NAALADL2: variants seen among roughly 807,000 people sequenced by gnomAD.
NAALADL2 encodes the protein inactive N-acetylated-alpha-linked acidic dipeptidase-like protein 2.
Under a neutral mutation model 87.2 loss-of-function variants are expected in NAALADL2, and 76 were observed. That is an observed-to-expected ratio of 0.87 (90% confidence interval 0.72 to 1.05). NAALADL2 has a LOEUF of 1.05. NAALADL2 is among the 50% of genes least tolerant of loss of function. NAALADL2 has a pLI of 0.00. For synonymous variants in NAALADL2, 354 were observed against 331.0 expected (o/e 1.07, Z -0.75); for missense variants, 1,089 against 945.8 (o/e 1.15, Z -1.99).
chr3:174,665,412 C>T (rs1385815216), intron 2 of NAALADL2, among the ~76,000 whole-genome samples: 1 of 152,064 alleles, frequency 6.6e-6, no homozygotes, highest in Non-Finnish European at 1.5e-5. Context: ...GCAACCTCAG[C>T]TCTAATGTTA....
chr3:175,446,876 A>G (rs1275233617), intron 5 of NAALADL2, among the ~76,000 whole-genome samples: 4 of 152,068 alleles, frequency 2.6e-5, no homozygotes, highest in Non-Finnish European at 5.9e-5. Context: ...ACACTTACAT[A>G]TCTGCTTTCC....
At chr3:175,493,883 T>C (rs1582121431) in intron 9 of NAALADL2, among the ~76,000 whole-genome samples, 1 of 152,292 alleles carries the variant, frequency 6.6e-6, no homozygotes, top group African/African-American at 2.4e-5. Flanking sequence ...GGAGTCTTCT[T>C]ATTTCCCTAG....
intron 5 of NAALADL2, among the ~76,000 whole-genome samples, chr3:175,341,980 A>G (rs1762609290): frequency 6.6e-6 from 1 of 152,126 alleles, no homozygotes; most frequent in Non-Finnish European, 1.5e-5. Flanking sequence ...CCAATTAAGC[A>G]TAGATGTATG....
intron 9 of NAALADL2, among the ~76,000 whole-genome samples, chr3:175,499,260 C>T (rs556489553): frequency 1.6e-4 from 24 of 152,082 alleles, no homozygotes; most frequent in Admixed American, 1.0e-3. Context: ...TACCGTTTTT[C>T]GAATGATTAA....
chr3:174,601,062 G>T (rs1718406341), intron 2 of NAALADL2, among the ~76,000 whole-genome samples: 1 of 152,094 alleles, frequency 6.6e-6, no homozygotes, highest in African/African-American at 2.4e-5. Flanking sequence ...TATTCTTTGT[G>T]TTTCAAACAA....
chr3:174,473,016 G>A (rs1717002007), intron 1 of NAALADL2, among the ~76,000 whole-genome samples: 1 of 152,148 alleles, frequency 6.6e-6, no homozygotes, highest in South Asian at 2.1e-4. Context: ...ATTTGTTGAT[G>A]TGGTATAGTA....
chr3:175,345,482 T>G (rs1763059001), intron 5 of NAALADL2, among the ~76,000 whole-genome samples: 1 of 152,126 alleles, frequency 6.6e-6, no homozygotes, highest in Non-Finnish European at 1.5e-5. Flanking sequence ...TCTTAGAGAA[T>G]GAGCGTGTGA....
At chr3:175,386,271 T>C (rs1229332438) in intron 5 of NAALADL2, among the ~76,000 whole-genome samples, 3 of 151,898 alleles carry the variant, frequency 2.0e-5, no homozygotes, top group African/African-American at 7.3e-5. Context: ...TGTCCTCCTC[T>C]GAGATTTATT....
Position 174,604,916 on chromosome 3 carries a change from G to A in NAALADL2, c.-115+54279G>A, listed in dbSNP as rs143868172. Among the ~76,000 whole-genome samples, 343 of 151,704 alleles carry A rather than the reference G, an allele frequency of 2.3e-3. 1 individual carries two copies. The highest frequency in any genetic ancestry group is 7.9e-3 in the African/African-American group (325 of 41,350). ...CCCTAGTAGCTGGGATTACAGGCACGCACCACCACCCCGGCTGATTTTGAT... is the reference window on the plus strand; with the variant it reads ...CCCTAGTAGCTGGGATTACAGGCACACACCACCACCCCGGCTGATTTTGAT... On this transcript the variant is annotated intron_variant, in intron 2 of 3. Coordinates refer to the NAALADL2 transcript ENST00000434257.
intron 2 of NAALADL2, among the ~76,000 whole-genome samples, chr3:175,133,170 C>G (rs541839008): frequency 5.4e-5 from 8 of 147,028 alleles, no homozygotes; most frequent in East Asian, 2.0e-4. Context: ...GGATGGCCGC[C>G]GGGAAGAGGC....
intron 2 of NAALADL2, among the ~76,000 whole-genome samples, chr3:174,565,509 C>G (rs1015911287): frequency 4.6e-5 from 7 of 152,036 alleles, no homozygotes; most frequent in Non-Finnish European, 5.9e-5. Flanking sequence ...AATAGCTCAT[C>G]TATCTTTATT....
intron 3 of NAALADL2, among the ~76,000 whole-genome samples, chr3:174,770,192 TCTGA>T (rs1188207867): frequency 1.3e-5 from 2 of 152,196 alleles, no homozygotes; most frequent in African/African-American, 2.4e-5. Context: ...TCAGAAATAT[TCTGA>T]CTGTGAGTTA....
chr3:174,813,341 A>G (rs1167867029), intron 3 of NAALADL2, among the ~76,000 whole-genome samples: 1 of 56,988 alleles, frequency 1.8e-5, no homozygotes, highest in Non-Finnish European at 3.6e-5. Flanking sequence ...GGCCACGTTT[A>G]AAGTGGACCT....
chr3:174,464,226 T>C (rs904833927), intron 1 of NAALADL2, among the ~76,000 whole-genome samples: 1 of 152,168 alleles, frequency 6.6e-6, no homozygotes, highest in African/African-American at 2.4e-5. Flanking sequence ...GTGTTTTATG[T>C]TTTAAAAAAT....
At chr3:175,419,963 A>G (rs1715375382) in intron 5 of NAALADL2, among the ~76,000 whole-genome samples, 1 of 151,998 alleles carries the variant, frequency 6.6e-6, no homozygotes, top group Non-Finnish European at 1.5e-5. Context: ...GGTTTATCTG[A>G]AGAATAAAAA....
At chr3:174,650,003 T>C (rs978926688) in intron 2 of NAALADL2, among the ~76,000 whole-genome samples, 3 of 152,044 alleles carry the variant, frequency 2.0e-5, no homozygotes, top group African/African-American at 7.2e-5. Flanking sequence ...TAAATCCACT[T>C]TTATAAAGCT....
At chr3:175,631,631 A>G (rs1446558418) in intron 11 of NAALADL2, among the ~76,000 whole-genome samples, 1 of 151,960 alleles carries the variant, frequency 6.6e-6, no homozygotes, top group Non-Finnish European at 1.5e-5. Flanking sequence ...TACATGCTGC[A>G]TCAGTGTTGA....
At chr3:175,380,721 G>A (rs1032247932) in intron 5 of NAALADL2, among the ~76,000 whole-genome samples, 4 of 152,014 alleles carry the variant, frequency 2.6e-5, no homozygotes, top group African/African-American at 9.7e-5. Context: ...AGCTTTTTAT[G>A]TTTTGAGAAA....
chr3:175,130,721 T>A (rs562933618), intron 2 of NAALADL2, among the ~76,000 whole-genome samples: 74 of 152,332 alleles, frequency 4.9e-4, no homozygotes, highest in African/African-American at 1.7e-3. Context: ...ATTTGACACA[T>A]GTATGTGTCT....
Sources: allele counts gnomAD v4.1 joint callset (sites outside exome capture counted in the v4.1 genomes callset), GRCh38; gene constraint gnomAD v4.1.1; transcripts MANE v1.5; gene names NCBI Gene and HGNC (gene_info 2026-07-23, HGNC 2026-07-21).